RCOR3: variants seen among roughly 807,000 people sequenced by gnomAD.
The protein encoded by RCOR3 is REST corepressor 3.
RCOR3 carries 13 observed loss-of-function variants against 64.1 expected under a neutral mutation model. That is an observed-to-expected ratio of 0.20 (90% CI 0.13 to 0.32). RCOR3 has a LOEUF of 0.32. RCOR3 is among the 10% of genes least tolerant of loss of function. The probability of loss-of-function intolerance (pLI) is 1.00; values close to 1 mark genes in which losing one functional copy is unlikely to be tolerated. For synonymous variants in RCOR3, 215 were observed against 239.0 expected (o/e 0.90, Z 0.93); for missense variants, 489 against 701.2 (o/e 0.70, Z 3.42).
chr1:211,259,513 C>T lies in RCOR3; in HGVS notation c.-48C>T. ...CGCTCTAAGCCATCTCCGCCTTCAC[C>T]CTGACGCCTGCCTCTTCCCCTCACC... is the stretch of plus-strand genomic sequence containing the variant. On this transcript the variant is annotated 5_prime_UTR_variant, in exon 1 of 12. Coordinates refer to ENST00000419091, the MANE Select transcript of RCOR3 (RefSeq NM_001136223.3). 6.5e-7 allele frequency: 1 copy of T among 1,530,682 alleles called. No individual in the cohort carries two copies. 94.8% of individuals were successfully genotyped at this position (1,530,682 alleles called of 1,614,324 possible). A position where few individuals can be genotyped will look rare whatever the true frequency, so the allele number is the denominator to read the frequency against.
intron 7 of RCOR3, among the ~76,000 whole-genome samples, chr1:211,286,430 C>T (rs1698548601): frequency 6.6e-6 from 1 of 151,930 alleles, no homozygotes; most frequent in South Asian, 2.1e-4. Context: ...GCCTCAGCCT[C>T]CTGAGTAGCT....
chr1:211,260,002 GCTT>G (rs1693931487), intron 1 of RCOR3, 103 bp from the exon 2 acceptor site: 6 of 1,179,090 alleles, frequency 5.1e-6, no homozygotes, highest in East Asian at 5.0e-5. Flanking sequence ...TCCACCCGCC[GCTT>G]CTTTCCTCCA....
At chr1:211,263,593 T>G (rs1313125462) in intron 2 of RCOR3, among the ~76,000 whole-genome samples, 1 of 152,200 alleles carries the variant, frequency 6.6e-6, no homozygotes, top group Non-Finnish European at 1.5e-5. Flanking sequence ...AGGGCTTTTC[T>G]TATCTGGTAA....
chr1:211,309,927 G>A (rs1459134987), intron 10 of RCOR3, among the ~76,000 whole-genome samples: 2 of 152,176 alleles, frequency 1.3e-5, no homozygotes, highest in African/African-American at 4.8e-5. Context: ...GCTAGCAACA[G>A]TATAGAGCTT....
At position 211,313,483 on chromosome 1, in the gene RCOR3, T is replaced by C. The variant is rs760116780; in HGVS notation, c.1377T>C (p.Thr459=). 1.7e-5 allele frequency: 28 copies of C among 1,613,862 alleles called. No individual in the cohort carries two copies. Among genetic ancestry groups the C allele is most frequent in the Non-Finnish European group, 2.1e-5 (25 of 1,179,992 alleles). The change falls in exon 12 of 12, where the codon ACT becomes ACC. Residue 459 remains threonine, a synonymous_variant. Coordinates refer to ENST00000419091, the MANE Select transcript of RCOR3 (RefSeq NM_001136223.3). This position sits in a 1 kb window ranked among gnomAD's most constrained non-coding sequence, Gnocchi z 4.7. ...LGPSPPAPSS[T]PTPTAPIATL... is the part of the protein sequence containing the mutation. ...CATCACCTCCTGCCCCATCATCCAC[T>C]CCAACACCAACAGCCCCTATTGCCA... is the stretch of plus-strand genomic sequence containing the variant.
intron 9 of RCOR3, chr1:211,301,497 T>C (rs1700375208): frequency 2.0e-5 from 3 of 152,198 alleles, no homozygotes; most frequent in Non-Finnish European, 4.4e-5. Context: ...TTTACTACCC[T>C]TCCAAAAGTG....
At chr1:211,294,622 CTG>C (rs1371816430) in intron 8 of RCOR3, among the ~76,000 whole-genome samples, 3 of 124,990 alleles carry the variant, frequency 2.4e-5, no homozygotes, top group Non-Finnish European at 4.7e-5. Flanking sequence ...CGGAGTCTCG[CTG>C]TGTCGCCCAG....
Position 211,312,614 on chromosome 1 carries a change from C to G in RCOR3, c.1076-106C>G. On this transcript the variant is annotated intron_variant, in intron 10 of 11. Coordinates refer to ENST00000419091, the MANE Select transcript of RCOR3 (RefSeq NM_001136223.3). The surrounding 1 kb of genome is among the most constrained non-coding windows in gnomAD (Gnocchi z 5.0). The stretch of plus-strand genomic sequence containing the variant: ...GAATTGAGAAATGAGCAGAGTTTAT[C>G]AGAAAGGAATTTCATTGCTGGTATC... 1 of 811,992 alleles carries G rather than the reference C, an allele frequency of 1.2e-6. No individual in the cohort carries two copies. The highest frequency in any genetic ancestry group is 1.6e-5 in the South Asian group (1 of 62,070). The allele number at this position is 811,992 out of a possible 1,614,324, so 50.3% of individuals were successfully genotyped here. A position where few individuals can be genotyped will look rare whatever the true frequency, so the allele number is the denominator to read the frequency against.
chr1:211,263,074 C>T (rs1571763916), intron 2 of RCOR3, among the ~76,000 whole-genome samples: 2 of 138,694 alleles, frequency 1.4e-5, no homozygotes, highest in African/African-American at 5.4e-5. Flanking sequence ...TTCCTGTGTC[C>T]GTGTGTTCTC....
intron 9 of RCOR3, 152 bp from the exon 10 acceptor site, chr1:211,303,931 A>G (rs913636617): frequency 2.1e-6 from 1 of 476,138 alleles, no homozygotes; most frequent in Non-Finnish European, 3.8e-6. Context: ...AACTCAGAAT[A>G]TATATTTTTA....
intron 8 of RCOR3, among the ~76,000 whole-genome samples, chr1:211,294,179 G>T (rs780700042): frequency 2.2e-4 from 33 of 152,152 alleles, no homozygotes; most frequent in Non-Finnish European, 3.4e-4. Flanking sequence ...AAAACAAAAT[G>T]TACCCAGCTG....
Position 211,260,094 on chromosome 1 carries a change from G to C in RCOR3, c.167-14G>C, listed in dbSNP as rs1693969378. On this transcript the variant is annotated splice_polypyrimidine_tract_variant and intron_variant, in intron 1 of 11. Transcript: ENST00000419091. ...TTTTATTTTTTATATATATTTTTTGGCATTGCTTTGCAGATGTTGGGATGA... is the reference window on the plus strand; with the variant it reads ...TTTTATTTTTTATATATATTTTTTGCCATTGCTTTGCAGATGTTGGGATGA... 6.3e-7 allele frequency: 1 copy of C among 1,584,656 alleles called. No individual in the cohort carries two copies. The highest frequency in any genetic ancestry group is 2.3e-5 in the East Asian group (1 of 44,414).
intron 10 of RCOR3, among the ~76,000 whole-genome samples, chr1:211,311,037 C>G (rs1162246374): frequency 2.0e-5 from 3 of 152,126 alleles, no homozygotes; most frequent in Non-Finnish European, 4.4e-5. Context: ...GAGACTCACC[C>G]TTATAAGAGT....
chr1:211,278,254 C>T lies in RCOR3; in HGVS notation c.641+13C>T, dbSNP rs1230675628. 3 of 1,613,122 alleles carry T rather than the reference C, an allele frequency of 1.9e-6. No homozygotes were observed. The highest frequency in any genetic ancestry group is 2.5e-6 in the Non-Finnish European group (3 of 1,179,572). ...ATCAGGGTGACAGGTAGGTTGGTTA[C>T]CTTCATATAGTTACATTGTTAGGGA... is the stretch of plus-strand genomic sequence containing the variant. On this transcript the variant is annotated intron_variant, in intron 6 of 11. Transcript: ENST00000419091.
intron 7 of RCOR3, among the ~76,000 whole-genome samples, chr1:211,288,174 T>G (rs946438641): frequency 2.0e-5 from 3 of 151,540 alleles, no homozygotes; most frequent in Non-Finnish European, 2.9e-5. Flanking sequence ...CTCATGCCAC[T>G]GCACTTAGCC....
At position 211,307,562 on chromosome 1, in the gene RCOR3, T is replaced by C. The variant is rs572402269; in HGVS notation, c.1075+3422T>C. On this transcript the variant is annotated intron_variant, in intron 10 of 11. Coordinates refer to ENST00000419091, the MANE Select transcript of RCOR3 (RefSeq NM_001136223.3). Reference sequence around the variant, plus strand: ...ATTAGATTATTCTAGGTGTATCTTTTTTCCTTGTAAAATGGAATGATGGTT... The same window carrying C: ...ATTAGATTATTCTAGGTGTATCTTTCTTCCTTGTAAAATGGAATGATGGTT... 4.6e-4 allele frequency among the ~76,000 whole-genome samples: 70 copies of C among 152,258 alleles called. 1 individual carries two copies. The highest frequency in any genetic ancestry group is 1.5e-3 in the African/African-American group (63 of 41,570).
At position 211,305,416 on chromosome 1, in the gene RCOR3, A is replaced by C. The variant is rs190726308; in HGVS notation, c.1075+1276A>C. On this transcript the variant is annotated intron_variant, in intron 10 of 11. Coordinates refer to ENST00000419091, the MANE Select transcript of RCOR3 (RefSeq NM_001136223.3). Reference sequence around the variant, plus strand: ...ACTCTGCTAATTTAAATTATTGTTTAAAAAATTAGCATTTTCAGTGGCTGC... The same window carrying C: ...ACTCTGCTAATTTAAATTATTGTTTCAAAAATTAGCATTTTCAGTGGCTGC... 2.8e-3 allele frequency among the ~76,000 whole-genome samples: 424 copies of C among 152,294 alleles called. 4 individuals carry two copies. Among genetic ancestry groups the C allele is most frequent in the Non-Finnish European group, 2.6e-3 (175 of 68,012 alleles).
At chr1:211,278,347 A>G (rs1697305769) in intron 6 of RCOR3, 106 bp downstream of exon 6, 1 of 1,257,018 alleles carries the variant, frequency 8.0e-7, no homozygotes, top group African/African-American at 1.5e-5. Context: ...AATATTCCTT[A>G]TTCTTACATT....
At chr1:211,273,077 A>G (rs1054756224) in intron 3 of RCOR3, among the ~76,000 whole-genome samples, 9 of 152,230 alleles carry the variant, frequency 5.9e-5, no homozygotes, top group Non-Finnish European at 1.2e-4. Context: ...GGTTTTCTAC[A>G]CAAAAAGCTT....
Sources: allele counts gnomAD v4.1 joint callset (sites outside exome capture counted in the v4.1 genomes callset), GRCh38; gene constraint gnomAD v4.1.1; non-coding constraint Gnocchi (gnomAD v3.1); transcripts MANE v1.5; gene names NCBI Gene and HGNC (gene_info 2026-07-23, HGNC 2026-07-21).